Variants in CSMD1 observed in about 807,000 individuals in gnomAD.
CSMD1 encodes CUB and sushi domain-containing protein 1.
Under a neutral mutation model 417.5 loss-of-function variants are expected in CSMD1, and 213 were observed. That is an observed-to-expected ratio of 0.51 (90% CI 0.46 to 0.57). The LOEUF is 0.57. Among genes scored for constraint, CSMD1 ranks in the 20% least tolerant of loss-of-function variants. CSMD1 has a pLI of 0.00. For synonymous variants in CSMD1, 2,862 were observed against 1,736.8 expected (o/e 1.65, Z -16.11); for missense variants, 6,923 against 4,529.7 (o/e 1.53, Z -15.17).
chr8:4,008,293 T>C (rs1046488874), intron 4 of CSMD1, among the ~76,000 whole-genome samples: 4 of 152,116 alleles, frequency 2.6e-5, no homozygotes, highest in Non-Finnish European at 4.4e-5. Flanking sequence ...TTAAAACAAA[T>C]ATAGTTATTC....
intron 3 of CSMD1, among the ~76,000 whole-genome samples, chr8:4,129,449 T>G (rs962049234): frequency 5.9e-5 from 9 of 152,172 alleles, no homozygotes; most frequent in African/African-American, 1.7e-4. Context: ...CTGAGACAGG[T>G]GCATGGGAGA....
chr8:4,899,130 G>A (rs189811474), intron 1 of CSMD1, among the ~76,000 whole-genome samples: 30 of 152,236 alleles, frequency 2.0e-4, no homozygotes, highest in South Asian at 4.1e-4. Context: ...GGTTATACAC[G>A]TATCAATAGG....
intron 3 of CSMD1, among the ~76,000 whole-genome samples, chr8:4,397,853 C>G (rs746167623): frequency 4.6e-5 from 7 of 152,014 alleles, no homozygotes; most frequent in Admixed American, 4.6e-4. Context: ...CAGGATACAT[C>G]TTTCTAATTA....
intron 28 of CSMD1, among the ~76,000 whole-genome samples, chr8:3,222,581 T>A (rs1333129411): frequency 6.6e-6 from 1 of 152,156 alleles, no homozygotes; most frequent in East Asian, 1.9e-4. Flanking sequence ...AATGCTGGGA[T>A]TACAGTCATG....
intron 8 of CSMD1, among the ~76,000 whole-genome samples, chr8:3,613,899 A>G (rs1802012969): frequency 6.6e-6 from 1 of 152,142 alleles, no homozygotes; most frequent in South Asian, 2.1e-4. Flanking sequence ...CAATCTTGTA[A>G]AATAGTTTCT....
At chr8:3,951,196 C>A (rs1563246003) in intron 5 of CSMD1, among the ~76,000 whole-genome samples, 1 of 152,080 alleles carries the variant, frequency 6.6e-6, no homozygotes, top group South Asian at 2.1e-4. Flanking sequence ...TGAGACAAGA[C>A]CTGTATAGGT....
intron 6 of CSMD1, among the ~76,000 whole-genome samples, chr8:3,726,141 G>T (rs983165472): frequency 6.6e-6 from 1 of 151,824 alleles, no homozygotes; most frequent in East Asian, 2.0e-4. Flanking sequence ...CAACAGCCAT[G>T]CAGGCACCGA....
chr8:3,506,633 G>A (rs895592919), intron 10 of CSMD1, among the ~76,000 whole-genome samples: 5 of 152,104 alleles, frequency 3.3e-5, no homozygotes, highest in East Asian at 3.9e-4. Flanking sequence ...ATTTTTCTTA[G>A]GAAAACTTAC....
At chr8:3,528,520 C>G (rs1024094838) in intron 10 of CSMD1, among the ~76,000 whole-genome samples, 1 of 152,140 alleles carries the variant, frequency 6.6e-6, no homozygotes, top group Non-Finnish European at 1.5e-5. Flanking sequence ...GCTCTTCTTC[C>G]TGATAATCAC....
chr8:4,462,248 C>A (rs1338981809), intron 2 of CSMD1, among the ~76,000 whole-genome samples: 2 of 152,048 alleles, frequency 1.3e-5, no homozygotes, highest in East Asian at 1.9e-4. Context: ...AATCCCTTTA[C>A]CATAGCATCT....
intron 23 of CSMD1, among the ~76,000 whole-genome samples, chr8:3,331,005 C>G (rs957915667): frequency 6.6e-6 from 1 of 152,002 alleles, no homozygotes; most frequent in African/African-American, 2.4e-5. Flanking sequence ...AATCCCAGGA[C>G]TTTGGGAGGC....
At chr8:4,163,251 G>A (rs895575184) in intron 3 of CSMD1, among the ~76,000 whole-genome samples, 6 of 152,118 alleles carry the variant, frequency 3.9e-5, no homozygotes, top group African/African-American at 1.4e-4. Flanking sequence ...TAAATAACAA[G>A]GAGTGTGCTT....
At chr8:4,271,830 C>G (rs1346126544) in intron 3 of CSMD1, among the ~76,000 whole-genome samples, 3 of 152,112 alleles carry the variant, frequency 2.0e-5, no homozygotes, top group East Asian at 1.9e-4. Flanking sequence ...TTACTTGGTC[C>G]TGGCAGCGCT....
At chr8:4,560,056 G>T (rs567106254) in intron 2 of CSMD1, among the ~76,000 whole-genome samples, 2 of 152,308 alleles carry the variant, frequency 1.3e-5, no homozygotes, top group Non-Finnish European at 2.9e-5. Flanking sequence ...CACCCTTGGG[G>T]TCCTCGACTG....
intron 3 of CSMD1, among the ~76,000 whole-genome samples, chr8:4,117,823 A>G (rs1802245031): frequency 6.6e-6 from 1 of 152,174 alleles, no homozygotes. Context: ...ACACCTAGTT[A>G]GAACATCTCA....
intron 3 of CSMD1, among the ~76,000 whole-genome samples, chr8:4,373,147 G>A (rs1802501710): frequency 6.6e-6 from 1 of 152,096 alleles, no homozygotes; most frequent in Non-Finnish European, 1.5e-5. Context: ...ACCTCCCTAG[G>A]GAGGAGCAAC....
At chr8:3,760,471 C>A (rs946029510) in intron 5 of CSMD1, among the ~76,000 whole-genome samples, 9 of 152,176 alleles carry the variant, frequency 5.9e-5, no homozygotes, top group Non-Finnish European at 4.4e-5. Flanking sequence ...TTGTACCATA[C>A]ATTTTAGGAT....
Position 3,295,320 on chromosome 8 carries a change from G to A in CSMD1, c.3951-10974C>T, listed in dbSNP as rs192374940. Among the ~76,000 whole-genome samples the A allele has an allele frequency of 2.0e-4, 31 of 151,944 alleles. 1 individual carries two copies. The East Asian group carries it at 5.6e-3, about 28-fold the overall frequency. On this transcript the variant is annotated intron_variant, in intron 25 of 69. Coordinates refer to ENST00000635120, the MANE Select transcript of CSMD1 (RefSeq NM_033225.6). ...TTTTGTATTTTTTAGTAGACACGGG[G>A]TTTCACTGTGTTAGCCAGGAAGGTC...
chr8:4,501,873 T>G (rs751030611), intron 2 of CSMD1, among the ~76,000 whole-genome samples: 1 of 152,104 alleles, frequency 6.6e-6, no homozygotes, highest in African/African-American at 2.4e-5. Flanking sequence ...ACATGCTACA[T>G]GCAGGCTTTG....
Sources: gnomAD v4.1 joint callset for allele counts (sites outside exome capture counted in the v4.1 genomes callset) on GRCh38, gnomAD v4.1.1 for gene constraint, MANE v1.5 for transcripts, NCBI Gene and HGNC (gene_info 2026-07-23, HGNC 2026-07-21) for gene names.